Variants in MYO3B observed in about 807,000 individuals in gnomAD.
MYO3B encodes myosin-IIIb.
Under a neutral mutation model 174.6 loss-of-function variants are expected in MYO3B, and 156 were observed. The ratio of observed to expected loss-of-function variants is 0.89; its 90% CI spans 0.78 to 1.02. MYO3B has a LOEUF of 1.02. MYO3B is among the 50% of genes least tolerant of loss of function. The pLI is 0.00. For synonymous variants in MYO3B, 563 were observed against 569.1 expected, an observed-to-expected ratio of 0.99 and a Z score of 0.15; for missense variants, 1,632 against 1,639.4, an observed-to-expected ratio of 1.00 and a Z score of 0.08.
intron 7 of MYO3B, among the ~76,000 whole-genome samples, chr2:170,250,932 T>C (rs1355079557): frequency 6.6e-6 from 1 of 151,852 alleles, no homozygotes; most frequent in Non-Finnish European, 1.5e-5. Flanking sequence ...TTGTCTGTGC[T>C]TCTCCTTCTG....
intron 7 of MYO3B, among the ~76,000 whole-genome samples, chr2:170,331,011 A>G (rs2093908220): frequency 6.6e-6 from 1 of 152,230 alleles, no homozygotes; most frequent in African/African-American, 2.4e-5. Flanking sequence ...GCTGGGCACT[A>G]TAGATACACA....
chr2:170,592,935 T>C (rs1446140725), intron 32 of MYO3B, among the ~76,000 whole-genome samples: 3 of 151,682 alleles, frequency 2.0e-5, no homozygotes, highest in Non-Finnish European at 2.9e-5. Context: ...TATCTAGATA[T>C]CTAGATCTAT....
At position 170,519,547 on chromosome 2, in the gene MYO3B, A is replaced by C; in HGVS notation, c.3575+7A>C. 6.2e-7 allele frequency: 1 copy of C among 1,610,078 alleles called. No homozygotes were observed. Among genetic ancestry groups the C allele is most frequent in the Non-Finnish European group, 8.5e-7 (1 of 1,176,500 alleles). ...CTGTCACAGAGAAAAATGGGTGAGC[A>C]TTATCTGCTAAGAGTTCCCTGTTGT... On this transcript the variant is annotated splice_region_variant and intron_variant, in intron 30 of 34. Coordinates refer to ENST00000408978, the MANE Select transcript of MYO3B (RefSeq NM_138995.5).
At chr2:170,649,206 AT>A (rs1195794147) in intron 32 of MYO3B, among the ~76,000 whole-genome samples, 3 of 58,314 alleles carry the variant, frequency 5.1e-5, no homozygotes, top group African/African-American at 2.8e-4. Flanking sequence ...TATATATAAA[AT>A]AATATATAAT....
intron 8 of MYO3B, among the ~76,000 whole-genome samples, chr2:170,355,155 G>A (rs930273913): frequency 1.3e-5 from 2 of 152,196 alleles, no homozygotes; most frequent in African/African-American, 4.8e-5. Flanking sequence ...ACAGGTGACA[G>A]GCATGGTAGT....
chr2:170,354,343 G>A (rs2094103120), intron 8 of MYO3B, among the ~76,000 whole-genome samples: 1 of 152,176 alleles, frequency 6.6e-6, no homozygotes, highest in African/African-American at 2.4e-5. Flanking sequence ...GGGTGGGTAA[G>A]TGGTCCTAAA....
chr2:170,588,115 C>T (rs913545238), intron 32 of MYO3B, among the ~76,000 whole-genome samples: 1 of 151,946 alleles, frequency 6.6e-6, no homozygotes, highest in Admixed American at 6.6e-5. Flanking sequence ...CTATGAGAAC[C>T]CCAGGGACTT....
intron 7 of MYO3B, among the ~76,000 whole-genome samples, chr2:170,237,471 C>G (rs1559325179): frequency 1.3e-5 from 2 of 150,004 alleles, no homozygotes; most frequent in Non-Finnish European, 2.9e-5. Context: ...TGTATACAGA[C>G]CAGGTGTTCA....
intron 8 of MYO3B, among the ~76,000 whole-genome samples, chr2:170,346,801 G>C (rs1023991266): frequency 2.6e-5 from 4 of 152,130 alleles, no homozygotes; most frequent in African/African-American, 9.7e-5. Flanking sequence ...TGGCCAATTA[G>C]TGTCATCTTG....
chr2:170,555,880 T>TAAC (rs71006101), intron 32 of MYO3B, among the ~76,000 whole-genome samples: 264 of 150,474 alleles, frequency 1.8e-3, no homozygotes, highest in Non-Finnish European at 2.9e-3. Context: ...TCTAAAATAA[T>TAAC]AATAATAATA....
chr2:170,220,253 G>C (rs375665056), intron 6 of MYO3B, among the ~76,000 whole-genome samples: 1 of 132,376 alleles, frequency 7.6e-6, no homozygotes, highest in Non-Finnish European at 1.6e-5. Flanking sequence ...GTGAGACTCC[G>C]TCTCAAAAAC....
chr2:170,347,052 A>G (rs530224885), intron 8 of MYO3B, among the ~76,000 whole-genome samples: 15 of 152,340 alleles, frequency 9.8e-5, no homozygotes, highest in Non-Finnish European at 2.1e-4. Context: ...ATGAAAGCAA[A>G]TTGGCATATG....
intron 7 of MYO3B, among the ~76,000 whole-genome samples, chr2:170,297,140 A>AT (rs2105433839): frequency 6.6e-6 from 1 of 152,274 alleles, no homozygotes; most frequent in East Asian, 1.9e-4. Flanking sequence ...AAGATGTACA[A>AT]TTTTTTGATC....
chr2:170,439,567 C>A (rs959143628), intron 22 of MYO3B, among the ~76,000 whole-genome samples: 1 of 152,090 alleles, frequency 6.6e-6, no homozygotes, highest in African/African-American at 2.4e-5. Context: ...TTTATGTAGT[C>A]CCATTGTCTA....
rs1268110549 is a variant in MYO3B, at chr2:170,401,796, C to CT, written c.2129+110dup. 1.2e-3 allele frequency: 951 copies of CT among 794,220 alleles called. 26 individuals carry two copies. The African/African-American group carries it at 0.017, about 14-fold the overall frequency. 49.2% of individuals were successfully genotyped at this position (794,220 alleles called of 1,614,324 possible). A position where few individuals can be genotyped will look rare whatever the true frequency, so the allele number is the denominator to read the frequency against. ...TTTGGTCCTCTCTGGGATTTTCTTT[C>CT]TTTTTCTTTTTTTTTTTTTTTGTGG... On this transcript the variant is annotated intron_variant, in intron 18 of 34. Coordinates refer to ENST00000408978, the MANE Select transcript of MYO3B (RefSeq NM_138995.5).
At chr2:170,292,010 T>C (rs1331645830) in intron 7 of MYO3B, among the ~76,000 whole-genome samples, 5 of 152,176 alleles carry the variant, frequency 3.3e-5, no homozygotes, top group Non-Finnish European at 7.4e-5. Flanking sequence ...CTTCTTTGAA[T>C]AAGCTTTCTA....
At chr2:170,407,492 A>G (rs2094517463) in intron 21 of MYO3B, among the ~76,000 whole-genome samples, 2 of 150,184 alleles carry the variant, frequency 1.3e-5, no homozygotes, top group Admixed American at 1.3e-4. Context: ...ACAACAAAAG[A>G]AAACCCATAA....
chr2:170,237,325 T>C lies in MYO3B; in HGVS notation c.749+1189T>C, dbSNP rs532258907. On this transcript the variant is annotated intron_variant, in intron 7 of 34. Transcript: ENST00000408978. ...GCTTTGATTTTTTTTTACAAATGGTTTACCCCTCACCATTTATTTAATGTG... is the reference window on the plus strand; with the variant it reads ...GCTTTGATTTTTTTTTACAAATGGTCTACCCCTCACCATTTATTTAATGTG... 5.6e-4 allele frequency among the ~76,000 whole-genome samples: 86 copies of C among 152,272 alleles called. 1 individual carries two copies. In the South Asian group the frequency reaches 0.016, roughly 28 times the overall value.
At chr2:170,295,470 A>G (rs1304213273) in intron 7 of MYO3B, among the ~76,000 whole-genome samples, 1 of 152,008 alleles carries the variant, frequency 6.6e-6, no homozygotes, top group African/African-American at 2.4e-5. Context: ...TTAACGAGGT[A>G]AAAAGAATCT....
Sources: allele counts gnomAD v4.1 joint callset (sites outside exome capture counted in the v4.1 genomes callset), GRCh38; gene constraint gnomAD v4.1.1; transcripts MANE v1.5; gene names NCBI Gene and HGNC (gene_info 2026-07-23, HGNC 2026-07-21).